Variants in DYM observed in about 807,000 individuals in gnomAD.
The protein encoded by DYM is dymeclin.
A neutral mutation model predicts 93.1 loss-of-function variants in DYM; 78 were observed. That is an observed-to-expected ratio of 0.84 (90% CI 0.70 to 1.01). The LOEUF is 1.01. Among genes scored for constraint, DYM ranks in the 50% least tolerant of loss-of-function variants. The pLI is 0.00. For synonymous variants in DYM, 321 were observed against 319.7 expected (o/e 1.00, Z -0.04); for missense variants, 789 against 845.0 (o/e 0.93, Z 0.82).
intron 6 of DYM, among the ~76,000 whole-genome samples, chr18:49,338,882 G>C (rs925755042): frequency 2.0e-5 from 3 of 151,960 alleles, no homozygotes; most frequent in African/African-American, 7.3e-5. Context: ...AACCACAAAG[G>C]CAAAAATTAC....
At chr18:49,350,318 CAA>C (rs1245916882) in intron 6 of DYM, among the ~76,000 whole-genome samples, 1 of 152,076 alleles carries the variant, frequency 6.6e-6, no homozygotes, top group Non-Finnish European at 1.5e-5. Flanking sequence ...TATAAAAAAT[CAA>C]AGTTGATCTA....
At chr18:49,070,789 C>T (rs1299419654) in intron 17 of DYM, among the ~76,000 whole-genome samples, 1 of 152,104 alleles carries the variant, frequency 6.6e-6, no homozygotes, top group Admixed American at 6.5e-5. Flanking sequence ...CAAATAGTAG[C>T]TTTGTAGGAA....
intron 3 of DYM, among the ~76,000 whole-genome samples, chr18:49,384,641 A>G (rs1419938171): frequency 1.4e-5 from 2 of 145,134 alleles, no homozygotes; most frequent in African/African-American, 5.1e-5. Context: ...AAAAAAAAAG[A>G]AGAGAGCAGC....
intron 14 of DYM, among the ~76,000 whole-genome samples, chr18:49,204,869 G>A (rs1600634605): frequency 1.3e-5 from 2 of 152,082 alleles, no homozygotes; most frequent in African/African-American, 2.4e-5. Flanking sequence ...TGCTTCTGGG[G>A]GTAAAATGGA....
intron 15 of DYM, among the ~76,000 whole-genome samples, chr18:49,159,089 C>A (rs1412142970): frequency 6.6e-6 from 1 of 152,062 alleles, no homozygotes; most frequent in Admixed American, 6.6e-5. Flanking sequence ...GTATGTATAT[C>A]TTTGTATTAT....
intron 2 of DYM, among the ~76,000 whole-genome samples, chr18:49,405,193 T>C (rs1278365144): frequency 6.6e-6 from 1 of 152,192 alleles, no homozygotes; most frequent in African/African-American, 2.4e-5. Flanking sequence ...ATTCTGTAGG[T>C]TGTCTGTTTA....
At chr18:49,309,009 ACAC>A (rs1364247126) in intron 8 of DYM, among the ~76,000 whole-genome samples, 2 of 152,102 alleles carry the variant, frequency 1.3e-5, no homozygotes, top group Non-Finnish European at 2.9e-5. Flanking sequence ...CATAGAAAAC[ACAC>A]CACAACGGTA....
chr18:49,459,670 T>G (rs903995542), intron 1 of DYM, among the ~76,000 whole-genome samples: 9 of 152,134 alleles, frequency 5.9e-5, no homozygotes, highest in African/African-American at 1.9e-4. Flanking sequence ...GGGTACCCGC[T>G]TTGCTGGCCG....
At chr18:49,168,622 G>A (rs763599190) in intron 14 of DYM, among the ~76,000 whole-genome samples, 5 of 152,106 alleles carry the variant, frequency 3.3e-5, no homozygotes, top group African/African-American at 4.8e-5. Flanking sequence ...TATTCTATTC[G>A]GAGTGAGAAG....
At chr18:49,416,603 C>T (rs1600088535) in intron 2 of DYM, among the ~76,000 whole-genome samples, 1 of 152,212 alleles carries the variant, frequency 6.6e-6, no homozygotes, top group East Asian at 1.9e-4. Flanking sequence ...TAGCTGGTTA[C>T]ACACACTTAC....
chr18:49,459,965 G>A (rs1393933215), intron 1 of DYM, among the ~76,000 whole-genome samples: 2 of 152,010 alleles, frequency 1.3e-5, no homozygotes, highest in African/African-American at 4.8e-5. Flanking sequence ...GGTGGTGATG[G>A]CTGCTCAACC....
At chr18:49,136,579 C>T (rs59610608) in intron 15 of DYM, among the ~76,000 whole-genome samples, 5,408 of 152,134 alleles carry the variant, frequency 0.036, 312 homozygotes, top group African/African-American at 0.12. Context: ...TATATGGTGT[C>T]AATTTCTTTG....
In DYM at chr18:49,445,763, A is replaced by T. The variant is rs368329821; in HGVS notation, c.-54+14635T>A. 7.9e-5 allele frequency among the ~76,000 whole-genome samples: 12 copies of T among 152,236 alleles called. 1 individual carries two copies. In the East Asian group the frequency reaches 1.5e-3, roughly 20 times the overall value. On this transcript the variant is annotated intron_variant, in intron 1 of 17. Coordinates refer to ENST00000675505, the MANE Select transcript of DYM (RefSeq NM_001353214.3). ...CTGCAATAGCAGTAGCCAGAGTAAC[A>T]CCTTGCATCAATTTCTTAGGCACTA...
At chr18:49,329,473 C>G (rs1373069395) in intron 8 of DYM, 1 of 152,074 alleles carries the variant, frequency 6.6e-6, no homozygotes, top group African/African-American at 2.4e-5. Context: ...CAGGGTGCAA[C>G]AAAGTAACAG....
At chr18:49,430,510 T>C in intron 1 of DYM, 63 bp from the exon 2 acceptor site, 2 of 1,221,490 alleles carry the variant, frequency 1.6e-6, no homozygotes, top group East Asian at 2.5e-5. Flanking sequence ...TGTCTACCTA[T>C]AAAAAAACTA....
At chr18:49,438,633 C>G (rs1295191733) in intron 1 of DYM, among the ~76,000 whole-genome samples, 1 of 151,952 alleles carries the variant, frequency 6.6e-6, no homozygotes. Flanking sequence ...AGCAGACACC[C>G]CTGCCTAAGC....
In DYM at chr18:49,258,503, G is replaced by A. The variant is rs1480445508; in HGVS notation, c.1252-10C>T. ...TAATATTTTTTAGTATCTGTAATGGGGAAGAAAAGTTTAAGTAAAAAATGA... is the reference window on the plus strand; with the variant it reads ...TAATATTTTTTAGTATCTGTAATGGAGAAGAAAAGTTTAAGTAAAAAATGA... On this transcript the variant is annotated splice_polypyrimidine_tract_variant and intron_variant, in intron 11 of 17. Transcript: ENST00000675505. 4 of 1,498,658 alleles carry A rather than the reference G, an allele frequency of 2.7e-6. No individual in the cohort carries two copies. The South Asian group carries it at 4.5e-5, about 17-fold the overall frequency. 92.8% of individuals were successfully genotyped at this position (1,498,658 alleles called of 1,614,324 possible). A position where few individuals can be genotyped will look rare whatever the true frequency, so the allele number is the denominator to read the frequency against.
At chr18:49,318,399 C>G (rs1029987781) in intron 8 of DYM, among the ~76,000 whole-genome samples, 1 of 152,082 alleles carries the variant, frequency 6.6e-6, no homozygotes, top group Non-Finnish European at 1.5e-5. Context: ...GCAGGCAGCT[C>G]GAGAGGTCAG....
chr18:49,322,299 G>C (rs923824584), intron 8 of DYM, among the ~76,000 whole-genome samples: 1 of 152,108 alleles, frequency 6.6e-6, no homozygotes, highest in Non-Finnish European at 1.5e-5. Flanking sequence ...GTGGTGGAAA[G>C]TGAAGTTTGG....
Sources: gnomAD v4.1 joint callset for allele counts (sites outside exome capture counted in the v4.1 genomes callset) on GRCh38, gnomAD v4.1.1 for gene constraint, MANE v1.5 for transcripts, NCBI Gene and HGNC (gene_info 2026-07-23, HGNC 2026-07-21) for gene names.